KLHL22: variants seen among roughly 807,000 people sequenced by gnomAD.
KLHL22 encodes the protein kelch like family member 22.
In KLHL22, 18 loss-of-function variants were observed where a neutral mutation model predicts 60.7. The ratio of observed to expected loss-of-function variants is 0.30; its 90% CI spans 0.20 to 0.44. The LOEUF is 0.44. KLHL22 is among the 20% of genes least tolerant of loss of function. The pLI is 1.00. For synonymous variants in KLHL22, 355 were observed against 354.5 expected, an observed-to-expected ratio of 1.00 and a Z score of -0.01; for missense variants, 596 against 852.3, an observed-to-expected ratio of 0.70 and a Z score of 3.74.
chr22:20,464,012 CAT>C (rs2053192756), intron 4 of KLHL22, among the ~76,000 whole-genome samples: 4 of 152,196 alleles, frequency 2.6e-5, no homozygotes, highest in Admixed American at 2.6e-4. Flanking sequence ...AACACAGCTC[CAT>C]CTTTCAGCAT....
At chr22:20,450,324 A>C in intron 5 of KLHL22, 1 of 1,232,734 alleles carries the variant, frequency 8.1e-7, no homozygotes, top group Admixed American at 1.7e-5. Flanking sequence ...CCTTTATAGA[A>C]GGGGAAACCC....
chr22:20,462,840 G>A (rs2053177543), intron 4 of KLHL22, among the ~76,000 whole-genome samples: 1 of 152,124 alleles, frequency 6.6e-6, no homozygotes, highest in Admixed American at 6.5e-5. Context: ...GTATATTGGA[G>A]ACAAACACCA....
At chr22:20,452,382 C>T (rs757012339) in intron 5 of KLHL22, among the ~76,000 whole-genome samples, 11 of 152,076 alleles carry the variant, frequency 7.2e-5, no homozygotes, top group Non-Finnish European at 1.0e-4. Flanking sequence ...GGGAGAGATA[C>T]TCATCTGACA....
At chr22:20,448,918 T>C (rs1331427369) in intron 5 of KLHL22, among the ~76,000 whole-genome samples, 2 of 152,246 alleles carry the variant, frequency 1.3e-5, no homozygotes, top group Admixed American at 1.3e-4. Flanking sequence ...GGTAGTTCTC[T>C]CACTGTGGCT....
chr22:20,455,651 T>C (rs972981639), intron 5 of KLHL22, among the ~76,000 whole-genome samples: 3 of 152,204 alleles, frequency 2.0e-5, no homozygotes, highest in Non-Finnish European at 4.4e-5. Context: ...CACAAGGAAC[T>C]TTCCACCCCC....
intron 5 of KLHL22, chr22:20,449,988 C>T (rs1235499547): frequency 1.7e-6 from 1 of 577,842 alleles, no homozygotes; most frequent in Non-Finnish European, 3.2e-6. Context: ...TTCGGCTCCT[C>T]CTGAGCCACC....
rs1601402064 is a variant in KLHL22 at position 20,495,021 on chromosome 22, C to T, written c.-34+739G>A. Among the ~76,000 whole-genome samples, 3 of 152,150 alleles carry T rather than the reference C, an allele frequency of 2.0e-5. No individual in the cohort carries two copies. The highest frequency in any genetic ancestry group is 7.2e-5 in the African/African-American group (3 of 41,450). ...GAGGAGAGGGAGTGGGTGCTGATTC[C>T]CAGCGGGGCAGCCTTCCAAAGGGTG... On this transcript the variant is annotated intron_variant, in intron 1 of 6. Coordinates refer to ENST00000328879, the MANE Select transcript of KLHL22 (RefSeq NM_032775.4). The surrounding 1 kb of genome is among the most constrained non-coding windows in gnomAD (Gnocchi z 4.6).
chr22:20,483,922 C>T, intron 2 of KLHL22: 1 of 678,366 alleles, frequency 1.5e-6, no homozygotes, highest in Non-Finnish European at 2.7e-6. Flanking sequence ...GCGGCCAGGC[C>T]CCCAGACCCC....
chr22:20,451,422 C>T (rs1349665189), intron 5 of KLHL22: 17 of 1,607,618 alleles, frequency 1.1e-5, no homozygotes, highest in Admixed American at 8.3e-5. Flanking sequence ...GAGGATATGA[C>T]GGCTTGAATA....
chr22:20,494,083 C>CA (rs913286418), intron 1 of KLHL22, among the ~76,000 whole-genome samples: 6 of 146,164 alleles, frequency 4.1e-5, no homozygotes, highest in Admixed American at 1.4e-4. Context: ...TGCCCCCCCC[C>CA]CAAAAAAAAA....
intron 4 of KLHL22, among the ~76,000 whole-genome samples, chr22:20,458,445 AT>A (rs938534970): frequency 0.019 from 1,713 of 90,414 alleles, 21 homozygotes; most frequent in African/African-American, 0.048. Context: ...AACGCCCGCT[AT>A]TTTTTTTTTT....
At chr22:20,449,934 C>T (rs1402341009) in intron 5 of KLHL22, among the ~76,000 whole-genome samples, 2 of 152,212 alleles carry the variant, frequency 1.3e-5, no homozygotes, top group South Asian at 2.1e-4. Context: ...GGAGCAGACC[C>T]GGACAGCTCC....
At chr22:20,478,063 A>C (rs760242730) in intron 2 of KLHL22, among the ~76,000 whole-genome samples, 1 of 152,184 alleles carries the variant, frequency 6.6e-6, no homozygotes, top group Non-Finnish European at 1.5e-5. Flanking sequence ...GTTGTTCACT[A>C]TACTTAACTT....
Position 20,483,190 on chromosome 22 carries a change from C to G in KLHL22, c.227+5795G>C, listed in dbSNP as rs533483689. 3.7e-5 allele frequency: 24 copies of G among 643,462 alleles called. No homozygotes were observed. The East Asian group carries it at 6.3e-4, about 17-fold the overall frequency. 39.9% of individuals were successfully genotyped at this position (643,462 alleles called of 1,614,324 possible). On this transcript the variant is annotated intron_variant, in intron 2 of 6. Coordinates refer to ENST00000328879, the MANE Select transcript of KLHL22 (RefSeq NM_032775.4). Reference sequence around the variant, plus strand: ...TTCTCAAGGAGTCCAGGTTGATCTCCAAGGACTGGACGTACGTCTCAACTC... The same window carrying G: ...TTCTCAAGGAGTCCAGGTTGATCTCGAAGGACTGGACGTACGTCTCAACTC...
intron 2 of KLHL22, among the ~76,000 whole-genome samples, chr22:20,480,797 G>T (rs889121823): frequency 6.6e-6 from 1 of 151,274 alleles, no homozygotes; most frequent in Admixed American, 6.6e-5. Flanking sequence ...GTTTTGGGTG[G>T]GTTCCGTGGC....
rs554000830 is a variant in KLHL22, at chr22:20,451,583, C to T, written c.1306-4907G>A. 1.1e-3 allele frequency: 1,807 copies of T among 1,595,606 alleles called. 5 individuals carry two copies. The highest frequency in any genetic ancestry group is 1.3e-3 in the Non-Finnish European group (1,550 of 1,163,846). ...TTTGATGGTACAGCCCACCTTTCTT[C>T]CGTTGAAGCATACAACATTCGCACT... is the stretch of plus-strand genomic sequence containing the variant. On this transcript the variant is annotated intron_variant, in intron 5 of 6. Coordinates refer to ENST00000328879, the MANE Select transcript of KLHL22 (RefSeq NM_032775.4).
At chr22:20,470,810 G>GGATGGATA (rs1569136401) in intron 3 of KLHL22, among the ~76,000 whole-genome samples, 1 of 144,830 alleles carries the variant, frequency 6.9e-6, no homozygotes, top group Non-Finnish European at 1.5e-5. Flanking sequence ...ATGGATGGAT[G>GGATGGATA]GATGGATGGA....
chr22:20,449,066 TTTG>T lies in KLHL22; in HGVS notation c.1306-2393_1306-2391del, dbSNP rs763689490. 6.1e-3 allele frequency among the ~76,000 whole-genome samples: 922 copies of T among 151,724 alleles called. 9 individuals carry two copies. Among genetic ancestry groups the T allele is most frequent in the African/African-American group, 0.021 (867 of 41,342 alleles). On this transcript the variant is annotated intron_variant, in intron 5 of 6. Coordinates refer to ENST00000328879, the MANE Select transcript of KLHL22 (RefSeq NM_032775.4). Reference sequence around the variant, plus strand: ...TTTTGTTTTGTTTTGTTTTGTTTTGTTTGTTTTTTTTTGAGACAGAGTCTTGCC... The same window carrying T: ...TTTTGTTTTGTTTTGTTTTGTTTTGTTTTTTTTTTGAGACAGAGTCTTGCC...
intron 5 of KLHL22, among the ~76,000 whole-genome samples, chr22:20,449,055 GT>G (rs199552219): frequency 1.3e-5 from 2 of 149,974 alleles, no homozygotes; most frequent in African/African-American, 5.0e-5. Flanking sequence ...GTTTTGTTTT[GT>G]TTTGTTTTGT....
Sources: gnomAD v4.1 joint callset for allele counts (sites outside exome capture counted in the v4.1 genomes callset) on GRCh38, gnomAD v4.1.1 for gene constraint, Gnocchi (gnomAD v3.1) non-coding constraint, MANE v1.5 for transcripts, NCBI Gene and HGNC (gene_info 2026-07-23, HGNC 2026-07-21) for gene names.